The following MEX3C variants were observed in gnomAD, a reference collection of about 807,000 sequenced individuals.
MEX3C encodes the protein RNA-binding E3 ubiquitin-protein ligase MEX3C.
Under a neutral mutation model 35.5 loss-of-function variants are expected in MEX3C, and 15 were observed. The observed-to-expected ratio is 0.42, with a 90% CI of 0.28 to 0.65. The LOEUF (loss-of-function observed/expected upper bound fraction) is 0.65, where lower values mean the gene tolerates loss of function less well. Among genes scored for constraint, MEX3C ranks in the 30% least tolerant of loss-of-function variants. The pLI, the probability that MEX3C is intolerant of heterozygous loss-of-function variation, is 0.20. For synonymous variants in MEX3C, 390 were observed against 352.8 expected (o/e 1.11, Z -1.18); for missense variants, 711 against 842.8 (o/e 0.84, Z 1.94).
intron 1 of MEX3C, among the ~76,000 whole-genome samples, chr18:51,187,401 G>A (rs903105202): frequency 3.7e-4 from 57 of 152,304 alleles, no homozygotes; most frequent in Middle Eastern, 3.4e-3. Flanking sequence ...CTGACTATCT[G>A]CAGGACTCGG....
rs1381353495 is a variant in MEX3C at position 51,196,751 on chromosome 18, C to A, written c.570G>T (p.Gly190=). Residue 190 remains glycine, a synonymous_variant, in exon 1 of 2, where the codon GGG becomes GGT. Coordinates refer to ENST00000406189, the MANE Select transcript of MEX3C (RefSeq NM_016626.5). ...CCGCCATCATGCCCTGGGCATCGTC[C>A]CCTCCGTACAGCACCCCCGCCGCCG... is the stretch of plus-strand genomic sequence containing the variant. ...AAAAAGVLYG[G]DDAQGMMAAM... 1.3e-6 allele frequency: 2 copies of A among 1,515,410 alleles called. No homozygotes were observed. The highest frequency in any genetic ancestry group is 1.8e-6 in the Non-Finnish European group (2 of 1,133,402). 93.9% of individuals were successfully genotyped at this position (1,515,410 alleles called of 1,614,324 possible).
rs185419564 is a variant in MEX3C, at chr18:51,189,035, G to A, written c.754+7532C>T. Among the ~76,000 whole-genome samples the A allele has an allele frequency of 5.9e-5, 9 of 152,292 alleles. No homozygotes were observed. In the East Asian group the frequency reaches 7.7e-4, roughly 13 times the overall value. ...GCTTGAGACCTTGGATAAGTTGTTTGTAACTCCATAGACTTGTTTATCTGT... is the reference window on the plus strand; with the variant it reads ...GCTTGAGACCTTGGATAAGTTGTTTATAACTCCATAGACTTGTTTATCTGT... On this transcript the variant is annotated intron_variant, in intron 1 of 1. Transcript: ENST00000406189.
chr18:51,193,307 T>C (rs1912697095), intron 1 of MEX3C: 2 of 152,142 alleles, frequency 1.3e-5, no homozygotes, highest in Non-Finnish European at 2.9e-5. Flanking sequence ...AAGATACACA[T>C]TTATCCTAAT....
chr18:51,181,883 TTAAA>T (rs1266547064), intron 1 of MEX3C, among the ~76,000 whole-genome samples: 2 of 152,160 alleles, frequency 1.3e-5, no homozygotes, highest in East Asian at 3.8e-4. Context: ...GAAAAACAAA[TTAAA>T]TATACAGAAA....
At position 51,176,513 on chromosome 18, in the gene MEX3C, G is replaced by A. The variant is rs140618478; in HGVS notation, c.1818C>T (p.His606=). ...SSSPPESRRK[H]DCVICFENEV... ...CATTCTCAAAGCAAATCACACAGTC[G>A]TGCTTTCGTCTTGATTCTGGAGGTG... The change falls in exon 2 of 2, where the codon CAC becomes CAT. Residue 606 remains histidine (H), a synonymous_variant. Transcript: ENST00000406189. The A allele has an allele frequency of 2.9e-5, 47 of 1,613,832 alleles. No homozygotes were observed. Among genetic ancestry groups the A allele is most frequent in the Non-Finnish European group, 3.5e-5 (41 of 1,179,892 alleles).
rs1289947848 is a variant in MEX3C, at chr18:51,174,737, T to C, written c.*1614A>G. The C allele has an allele frequency of 6.6e-6, 1 of 152,638 alleles. No individual in the cohort carries two copies. The highest frequency in any genetic ancestry group is 6.5e-5 in the Admixed American group (1 of 15,278). 9.5% of individuals were successfully genotyped at this position (152,638 alleles called of 1,614,324 possible). ...GAATTTATAATCCCTATGACTTCCC[T>C]ACATATACATAACAAAAGAGTGTAG... On this transcript the variant is annotated 3_prime_UTR_variant, in exon 2 of 2. Transcript: ENST00000406189.
At chr18:51,180,753 G>A (rs147644304) in intron 1 of MEX3C, among the ~76,000 whole-genome samples, 2,632 of 152,316 alleles carry the variant, frequency 0.017, 77 homozygotes, top group African/African-American at 0.06. Flanking sequence ...AAAGTGCTGG[G>A]ATTACGGGCG....
rs1912313440 is a variant in MEX3C at position 51,176,726 on chromosome 18, T to C, written c.1605A>G (p.Arg535=). ...DPSGNMKTQR[R]GSQPSTPRLS... is the part of the protein sequence containing the mutation. ...GACGAGGAGTAGATGGCTGACTTCC[T>C]CTGCGCTGAGTCTTCATGTTACCAG... Residue 535 remains arginine (R), a synonymous_variant, in exon 2 of 2, where the codon AGA becomes AGG. Transcript: ENST00000406189. 6.2e-7 allele frequency: 1 copy of C among 1,613,918 alleles called. No individual in the cohort carries two copies. The highest frequency in any genetic ancestry group is 1.7e-5 in the Admixed American group (1 of 60,010).
At chr18:51,179,081 G>A (rs1599250458) in intron 1 of MEX3C, among the ~76,000 whole-genome samples, 2 of 150,794 alleles carry the variant, frequency 1.3e-5, no homozygotes, top group Non-Finnish European at 2.9e-5. Flanking sequence ...TCGGCTGACC[G>A]CAACCTCCAC....
chr18:51,192,338 T>C (rs1199586181), intron 1 of MEX3C, among the ~76,000 whole-genome samples: 3 of 152,142 alleles, frequency 2.0e-5, no homozygotes, highest in African/African-American at 7.2e-5. Flanking sequence ...AACTGAACCC[T>C]TCTCAAGGGT....
Position 51,176,087 on chromosome 18 carries a change from C to T in MEX3C, c.*264G>A, listed in dbSNP as rs1912294774. On this transcript the variant is annotated 3_prime_UTR_variant, in exon 2 of 2. Transcript: ENST00000406189. ...ATCTTCACTCAGCCAAGTTGAACTT[C>T]AGCTTTAGCAATTCTTATATAAACT... 1.6e-5 allele frequency: 5 copies of T among 319,984 alleles called. No homozygotes were observed. Among genetic ancestry groups the T allele is most frequent in the Non-Finnish European group, 2.8e-5 (5 of 176,028 alleles). The allele number at this position is 319,984 out of a possible 1,614,324, so 19.8% of individuals were successfully genotyped here.
intron 1 of MEX3C, among the ~76,000 whole-genome samples, chr18:51,191,824 T>G (rs1050907485): frequency 6.6e-6 from 1 of 152,148 alleles, no homozygotes. Flanking sequence ...GATTACACAG[T>G]GAGTTATTGG....
In MEX3C at chr18:51,196,762, G is replaced by T. The variant is rs770349457; in HGVS notation, c.559C>A (p.Leu187Met). The change falls in exon 1 of 2, where the codon CTG becomes ATG. Residue 187 changes from leucine (L) to methionine (M), a missense_variant. Transcript: ENST00000406189. ...AAAAAAAAGV[L>M]YGGDDAQGMM... Reference sequence around the variant, plus strand: ...CCCTGGGCATCGTCCCCTCCGTACAGCACCCCCGCCGCCGCCGCCGCGGCC... The same window carrying T: ...CCCTGGGCATCGTCCCCTCCGTACATCACCCCCGCCGCCGCCGCCGCGGCC... 47 of 1,501,562 alleles carry T rather than the reference G, an allele frequency of 3.1e-5. No homozygotes were observed. Among genetic ancestry groups the T allele is most frequent in the Non-Finnish European group, 8.9e-7 (1 of 1,124,826 alleles). 93.0% of individuals were successfully genotyped at this position (1,501,562 alleles called of 1,614,324 possible).
At chr18:51,195,360 T>C (rs572072249) in intron 1 of MEX3C, 1 of 152,348 alleles carries the variant, frequency 6.6e-6, no homozygotes, top group South Asian at 2.1e-4. Context: ...CAGTCTGAAC[T>C]AAGCTATCTC....
intron 1 of MEX3C, among the ~76,000 whole-genome samples, chr18:51,185,886 C>CG (rs1408364847): frequency 2.0e-5 from 3 of 151,092 alleles, no homozygotes; most frequent in Non-Finnish European, 4.4e-5. Flanking sequence ...ATAGTGAGAC[C>CG]CCCCCCTCTC....
Position 51,176,744 on chromosome 18 carries a change from G to A in MEX3C, c.1587C>T (p.Asn529=). ...GACTTCCTCTGCGCTGAGTCTTCAT[G>A]TTACCAGAAGGATCACTCCCAAAGC... The part of the protein sequence containing the change: ...LSGFGSDPSG[N]MKTQRRGSQP... Residue 529 remains asparagine (N), a synonymous_variant, in exon 2 of 2, where the codon AAC becomes AAT. Coordinates refer to ENST00000406189, the MANE Select transcript of MEX3C (RefSeq NM_016626.5). The A allele has an allele frequency of 2.5e-6, 4 of 1,614,006 alleles. No homozygotes were observed. The highest frequency in any genetic ancestry group is 3.4e-6 in the Non-Finnish European group (4 of 1,179,890).
Position 51,176,502 on chromosome 18 carries a change from A to G in MEX3C, c.1829T>C (p.Ile610Thr), listed in dbSNP as rs778848610. The G allele has an allele frequency of 6.2e-7, 1 of 1,614,024 alleles. No individual in the cohort carries two copies. The highest frequency in any genetic ancestry group is 8.5e-7 in the Non-Finnish European group (1 of 1,179,900). Reference sequence around the variant, plus strand: ...AGCAATAACCTCATTCTCAAAGCAAATCACACAGTCGTGCTTTCGTCTTGA... The same window carrying G: ...AGCAATAACCTCATTCTCAAAGCAAGTCACACAGTCGTGCTTTCGTCTTGA... ...PESRRKHDCV[I>T]CFENEVIAAL... The change falls in exon 2 of 2, where the codon ATT becomes ACT. Residue 610 changes from isoleucine (I) to threonine (T), a missense_variant. Coordinates refer to ENST00000406189, the MANE Select transcript of MEX3C (RefSeq NM_016626.5).
In MEX3C at chr18:51,180,332, A is replaced by G. The variant is rs185948927; in HGVS notation, c.755-2756T>C. On this transcript the variant is annotated intron_variant, in intron 1 of 1. Transcript: ENST00000406189. ...GTGTTTAATGTATGGTTCATTGGGT[A>G]CAGAGAAGACAAATGGTTTGAGCAT... Among the ~76,000 whole-genome samples the G allele has an allele frequency of 1.9e-3, 288 of 152,272 alleles. 1 individual carries two copies. The highest frequency in any genetic ancestry group is 6.3e-3 in the African/African-American group (263 of 41,554).
intron 1 of MEX3C, chr18:51,195,986 G>A (rs1379124316): frequency 6.5e-6 from 1 of 153,662 alleles, no homozygotes; most frequent in African/African-American, 2.4e-5. Flanking sequence ...AGTTAAGATA[G>A]GCGGCAGTGA....
Sources: gnomAD v4.1 joint callset for allele counts (sites outside exome capture counted in the v4.1 genomes callset) on GRCh38, gnomAD v4.1.1 for gene constraint, MANE v1.5 for transcripts, NCBI Gene and HGNC (gene_info 2026-07-23, HGNC 2026-07-21) for gene names.